SRRM4: variants seen among roughly 807,000 people sequenced by gnomAD.
SRRM4 encodes the protein serine/arginine repetitive matrix 4, also known as serine/arginine repetitive matrix protein 4.
Under a neutral mutation model 68.9 loss-of-function variants are expected in SRRM4, and 33 were observed. That is an observed-to-expected ratio of 0.48 (90% CI 0.36 to 0.64). SRRM4 has a LOEUF of 0.64. Among genes scored for constraint, SRRM4 ranks in the 30% least tolerant of loss-of-function variants. The pLI is 0.00. For synonymous variants in SRRM4, 318 were observed against 318.8 expected, an observed-to-expected ratio of 1.00 and a Z score of 0.03; for missense variants, 817 against 827.1, an observed-to-expected ratio of 0.99 and a Z score of 0.15.
At chr12:119,011,352 C>T (rs1953448521) in intron 1 of SRRM4, among the ~76,000 whole-genome samples, 1 of 152,278 alleles carries the variant, frequency 6.6e-6, no homozygotes, top group Non-Finnish European at 1.5e-5. Flanking sequence ...GGGGAGCTGT[C>T]CTGTGCACTG....
In SRRM4 at chr12:119,154,202, GCCCAGCCCCAGCTC is replaced by G. The variant is rs1265652774; in HGVS notation, c.1392-35_1392-22del. ...CCCACGCGCTCACGCAGAAAATCCA[GCCCAGCCCCAGCTC>G]CCCAGTAACCCCCCGCGCCCCTTCA... On this transcript the variant is annotated intron_variant, in intron 11 of 12. Coordinates refer to ENST00000267260, the MANE Select transcript of SRRM4 (RefSeq NM_194286.4). This position sits in a 1 kb window ranked among gnomAD's most constrained non-coding sequence, Gnocchi z 4.7. 1.3e-6 allele frequency: 2 copies of G among 1,556,556 alleles called. No individual in the cohort carries two copies. Among genetic ancestry groups the G allele is most frequent in the Non-Finnish European group, 1.7e-6 (2 of 1,145,742 alleles).
chr12:119,045,910 C>T (rs981892368), intron 1 of SRRM4, among the ~76,000 whole-genome samples: 9 of 151,928 alleles, frequency 5.9e-5, no homozygotes, highest in African/African-American at 2.2e-4. Context: ...TGGTGGTGTG[C>T]ACCTGTAGTC....
chr12:119,013,078 A>G (rs940459272), intron 1 of SRRM4, among the ~76,000 whole-genome samples: 12 of 152,234 alleles, frequency 7.9e-5, no homozygotes, highest in Admixed American at 5.2e-4. Context: ...GTGGGGAAAC[A>G]TCATTATTGT....
At chr12:118,994,541 T>G (rs913603136) in intron 1 of SRRM4, among the ~76,000 whole-genome samples, 2 of 152,098 alleles carry the variant, frequency 1.3e-5, no homozygotes, top group Non-Finnish European at 2.9e-5. Context: ...CCTCCAATCC[T>G]CCAACCTAAG....
chr12:119,102,394 T>A lies in SRRM4; in HGVS notation c.278+12T>A, dbSNP rs1160599939. 1 of 1,599,808 alleles carries A rather than the reference T, an allele frequency of 6.3e-7. No individual in the cohort carries two copies. Among genetic ancestry groups the A allele is most frequent in the South Asian group, 1.1e-5 (1 of 89,294 alleles). On this transcript the variant is annotated intron_variant, in intron 2 of 12. Transcript: ENST00000267260. Reference sequence around the variant, plus strand: ...ACCAGAGGACACAGGTGAGATCCAATGAGGACGTTCAAGTTGAAGATACAG... The same window carrying A: ...ACCAGAGGACACAGGTGAGATCCAAAGAGGACGTTCAAGTTGAAGATACAG...
chr12:119,109,666 C>T (rs1221228521), intron 2 of SRRM4, among the ~76,000 whole-genome samples: 3 of 152,144 alleles, frequency 2.0e-5, no homozygotes, highest in Admixed American at 6.5e-5. Flanking sequence ...TTTTCAGCTC[C>T]ATCAGGTCAT....
intron 6 of SRRM4, among the ~76,000 whole-genome samples, 172 bp downstream of exon 6, chr12:119,122,292 C>CAGGAAGGCAGGAAGGAAGGAAGGA (rs1215630082): frequency 1.6e-4 from 11 of 69,720 alleles, no homozygotes; most frequent in African/African-American, 4.4e-4. Context: ...GGCAGGAAGG[C>CAGGAAGGCAGGAAGGAAGGAAGGA]AGGAAGGAAG....
intron 1 of SRRM4, among the ~76,000 whole-genome samples, chr12:119,015,680 T>A (rs1239726120): frequency 1.3e-5 from 2 of 152,176 alleles, no homozygotes; most frequent in Non-Finnish European, 2.9e-5. Flanking sequence ...TTAATCAATA[T>A]CCTATTGATT....
intron 1 of SRRM4, among the ~76,000 whole-genome samples, chr12:119,093,859 T>C (rs183479588): frequency 6.6e-6 from 1 of 152,158 alleles, no homozygotes; most frequent in African/African-American, 2.4e-5. Context: ...AGCAGTTTTA[T>C]CTCTCATGAA....
intron 1 of SRRM4, among the ~76,000 whole-genome samples, chr12:119,088,568 A>T (rs955701957): frequency 2.0e-5 from 3 of 152,188 alleles, no homozygotes; most frequent in Non-Finnish European, 2.9e-5. Context: ...ACCGAGGCTT[A>T]AATAGTTGAA....
intron 1 of SRRM4, among the ~76,000 whole-genome samples, chr12:119,032,748 C>A (rs985377380): frequency 6.6e-6 from 1 of 152,290 alleles, no homozygotes; most frequent in Non-Finnish European, 1.5e-5. Flanking sequence ...AAAGATCTTA[C>A]TCTAGAGTGG....
In SRRM4 at chr12:119,163,001, T is replaced by C. The variant is rs1322975249; in HGVS notation, c.*6203T>C. 2 of 152,202 alleles carry C rather than the reference T, an allele frequency of 1.3e-5. No individual in the cohort carries two copies. The highest frequency in any genetic ancestry group is 2.4e-5 in the African/African-American group (1 of 41,444). 9.4% of individuals were successfully genotyped at this position (152,202 alleles called of 1,614,324 possible). ...CCGGGGTTTCTGGTTTTTCAGCCTG[T>C]ACGAAACATGTCTCTGTTCTAATTA... On this transcript the variant is annotated 3_prime_UTR_variant, in exon 13 of 13. Transcript: ENST00000267260.
chr12:119,137,222 G>A (rs1019004526), intron 8 of SRRM4, among the ~76,000 whole-genome samples: 11 of 151,726 alleles, frequency 7.2e-5, no homozygotes, highest in African/African-American at 1.2e-4. Context: ...ATGTATAGCC[G>A]CCTCTCTCTA....
chr12:119,076,693 G>A (rs933291970), intron 1 of SRRM4, among the ~76,000 whole-genome samples: 1 of 152,214 alleles, frequency 6.6e-6, no homozygotes, highest in Non-Finnish European at 1.5e-5. Flanking sequence ...CCACCCCAAG[G>A]AAGTGCAAGA....
intron 1 of SRRM4, among the ~76,000 whole-genome samples, chr12:119,080,572 C>A (rs930268739): frequency 1.3e-5 from 2 of 152,176 alleles, no homozygotes; most frequent in African/African-American, 4.8e-5. Context: ...TCATGTGTGT[C>A]ATCTCTCCCA....
chr12:119,008,460 A>G lies in SRRM4; in HGVS notation c.131+26447A>G, dbSNP rs559946704. On this transcript the variant is annotated intron_variant, in intron 1 of 12. Transcript: ENST00000267260. ...ATCTAATGTTGTGTAACACCTAACC[A>G]TGTTGGAGCTACTCTTATCTAATGT... Among the ~76,000 whole-genome samples, 3 of 151,794 alleles carry G rather than the reference A, an allele frequency of 2.0e-5. No homozygotes were observed. In the South Asian group the frequency reaches 6.2e-4, roughly 32 times the overall value.
intron 10 of SRRM4, among the ~76,000 whole-genome samples, chr12:119,151,628 T>C (rs144409424): frequency 6.6e-6 from 1 of 152,254 alleles, no homozygotes; most frequent in Non-Finnish European, 1.5e-5. Flanking sequence ...GGATCAGCAA[T>C]TGGGCTGGGC....
chr12:119,020,003 T>G (rs1198310902), intron 1 of SRRM4, among the ~76,000 whole-genome samples: 1 of 125,116 alleles, frequency 8.0e-6, no homozygotes, highest in Non-Finnish European at 1.6e-5. Flanking sequence ...AGGCTGCTGC[T>G]TAACCGTACA....
chr12:119,139,537 G>A (rs1954351707), intron 8 of SRRM4, among the ~76,000 whole-genome samples: 1 of 152,216 alleles, frequency 6.6e-6, no homozygotes, highest in African/African-American at 2.4e-5. Flanking sequence ...ACAATACCAA[G>A]TAGAGTTCAG....
Sources: allele counts gnomAD v4.1 joint callset (sites outside exome capture counted in the v4.1 genomes callset), GRCh38; gene constraint gnomAD v4.1.1; non-coding constraint Gnocchi (gnomAD v3.1); transcripts MANE v1.5; gene names NCBI Gene and HGNC (gene_info 2026-07-23, HGNC 2026-07-21).